Variants in MAF observed in about 807,000 individuals in gnomAD.
MAF encodes the protein MAF bZIP transcription factor.
In MAF, 10 loss-of-function variants were observed where a neutral mutation model predicts 22.0. The ratio of observed to expected loss-of-function variants is 0.45; its 90% CI spans 0.28 to 0.77. MAF has a LOEUF of 0.77. MAF is among the 30% of genes least tolerant of loss of function. MAF has a pLI of 0.12. For synonymous variants in MAF, 337 were observed against 255.8 expected (o/e 1.32, Z -3.03); for missense variants, 544 against 548.4 (o/e 0.99, Z 0.08).
the MAF span, among the ~76,000 whole-genome samples, chr16:79,414,402 A>T: frequency 1.3e-5 from 2 of 152,180 alleles, no homozygotes; most frequent in East Asian, 1.9e-4. Context: ...AGAAGGGAAG[A>T]TGCCAGGTTG....
At chr16:79,432,822 T>C in the MAF span, among the ~76,000 whole-genome samples, 1 of 152,164 alleles carries the variant, frequency 6.6e-6, no homozygotes, top group East Asian at 1.9e-4. Flanking sequence ...ATATCAAAGA[T>C]GGCAGCCAAC....
the MAF span, among the ~76,000 whole-genome samples, chr16:79,213,492 G>A: frequency 8.5e-4 from 129 of 152,334 alleles, no homozygotes; most frequent in Non-Finnish European, 1.6e-3. Flanking sequence ...ACACCTGGAG[G>A]GGATCACCCC....
At chr16:79,552,081 C>T in the MAF span, among the ~76,000 whole-genome samples, 1 of 152,118 alleles carries the variant, frequency 6.6e-6, no homozygotes, top group Admixed American at 6.5e-5. Context: ...AACCTAACCG[C>T]CCCAAGACCC....
the MAF span, among the ~76,000 whole-genome samples, chr16:79,399,908 C>G: frequency 6.6e-6 from 1 of 152,176 alleles, no homozygotes; most frequent in Non-Finnish European, 1.5e-5. Context: ...TACGTGGCCA[C>G]ACTAGTCGAA....
chr16:79,303,311 G>T, the MAF span, among the ~76,000 whole-genome samples: 7,296 of 152,290 alleles, frequency 0.048, 556 homozygotes, highest in East Asian at 0.32. Flanking sequence ...AGTAAGTGTT[G>T]TGCCTCACCA....
the MAF span, among the ~76,000 whole-genome samples, chr16:79,359,134 T>C: frequency 1.3e-5 from 2 of 152,202 alleles, no homozygotes; most frequent in African/African-American, 2.4e-5. Flanking sequence ...AGATTCCAAA[T>C]CTTTCTCTCT....
chr16:79,208,647 G>A, the MAF span, among the ~76,000 whole-genome samples: 1 of 144,908 alleles, frequency 6.9e-6, no homozygotes, highest in Non-Finnish European at 1.5e-5. Context: ...TTTTTAATCA[G>A]TTTAAGAATG....
At chr16:79,513,563 T>C in the MAF span, among the ~76,000 whole-genome samples, 1 of 151,780 alleles carries the variant, frequency 6.6e-6, no homozygotes, top group Non-Finnish European at 1.5e-5. Context: ...GAGCAGTGTT[T>C]CTGAAGTCAA....
the MAF span, among the ~76,000 whole-genome samples, chr16:79,462,224 A>G: frequency 6.6e-6 from 1 of 152,020 alleles, no homozygotes; most frequent in African/African-American, 2.4e-5. Flanking sequence ...GTGCAAACAT[A>G]CTCTGCACTG....
the MAF span, among the ~76,000 whole-genome samples, chr16:79,419,980 C>A: frequency 6.6e-6 from 1 of 150,948 alleles, no homozygotes; most frequent in Non-Finnish European, 1.5e-5. Flanking sequence ...TGAATTCAGA[C>A]AATTTTTCAG....
At chr16:79,410,557 A>G in the MAF span, among the ~76,000 whole-genome samples, 2 of 152,344 alleles carry the variant, frequency 1.3e-5, no homozygotes, top group African/African-American at 2.4e-5. Context: ...GGAAGGAAAT[A>G]CAAAGTTAGA....
chr16:79,532,299 T>G, the MAF span, among the ~76,000 whole-genome samples: 6 of 152,192 alleles, frequency 3.9e-5, no homozygotes, highest in Non-Finnish European at 5.9e-5. Flanking sequence ...CATTCTCCCA[T>G]GTCCAACAGC....
chr16:79,559,136 C>T, the MAF span, among the ~76,000 whole-genome samples: 1 of 152,100 alleles, frequency 6.6e-6, no homozygotes, highest in Admixed American at 6.5e-5. Flanking sequence ...AGGACACTGG[C>T]CGTGGTTTGG....
At chr16:79,507,693 G>A in the MAF span, among the ~76,000 whole-genome samples, 3 of 152,142 alleles carry the variant, frequency 2.0e-5, no homozygotes, top group African/African-American at 7.2e-5. Flanking sequence ...CCAAAGTGCT[G>A]GTATTACAGG....
the MAF span, among the ~76,000 whole-genome samples, chr16:79,539,579 T>G: frequency 6.6e-6 from 1 of 152,206 alleles, no homozygotes; most frequent in South Asian, 2.1e-4. Context: ...CGTGAACATT[T>G]ATAATAAAGA....
the MAF span, among the ~76,000 whole-genome samples, chr16:79,311,563 G>A: frequency 3.3e-5 from 5 of 151,876 alleles, no homozygotes; most frequent in Non-Finnish European, 7.4e-5. Context: ...TGGATGAGTC[G>A]GGGTACTGTG....
the MAF span, among the ~76,000 whole-genome samples, chr16:79,577,810 C>A: frequency 6.6e-6 from 1 of 152,078 alleles, no homozygotes; most frequent in Non-Finnish European, 1.5e-5. Flanking sequence ...TGGTGCAATG[C>A]CCCAAAAATG....
chr16:79,388,781 G>A, the MAF span, among the ~76,000 whole-genome samples: 2 of 152,176 alleles, frequency 1.3e-5, no homozygotes, highest in African/African-American at 4.8e-5. Flanking sequence ...CATTGCATTA[G>A]CCTTTTTTAT....
At chr16:79,334,838 A>AGTGTGTGT in the MAF span, among the ~76,000 whole-genome samples, 1 of 147,216 alleles carries the variant, frequency 6.8e-6, no homozygotes, top group African/African-American at 2.5e-5. Context: ...ACGTCAATAA[A>AGTGTGTGT]GTGTGTGTGT....
Sources: gnomAD v4.1 joint callset for allele counts (sites outside exome capture counted in the v4.1 genomes callset) on GRCh38, gnomAD v4.1.1 for gene constraint, MANE v1.5 for transcripts, NCBI Gene and HGNC (gene_info 2026-07-23, HGNC 2026-07-21) for gene names.